The following MCPH1 variants were observed in gnomAD, a reference collection of about 807,000 sequenced individuals.
MCPH1 encodes microcephalin.
Under a neutral mutation model 84.5 loss-of-function variants are expected in MCPH1, and 104 were observed. The ratio of observed to expected loss-of-function variants is 1.23; its 90% CI spans 1.05 to 1.45. MCPH1 has a LOEUF of 1.45. MCPH1 is among the 40% of genes most tolerant of loss of function. MCPH1 has a pLI of 0.00. For missense variants in MCPH1, 1,498 were observed against 1,005.7 expected, an observed-to-expected ratio of 1.49 and a Z score of -6.62; for synonymous variants, 514 against 366.8, an observed-to-expected ratio of 1.40 and a Z score of -4.58.
At chr8:6,628,711 C>CT (rs1411296716) in intron 13 of MCPH1, among the ~76,000 whole-genome samples, 1 of 152,206 alleles carries the variant, frequency 6.6e-6, no homozygotes, top group Non-Finnish European at 1.5e-5. Flanking sequence ...ACAAAGCCCC[C>CT]TGCAAACACT....
At chr8:6,409,972 A>G (rs1376363445) in intron 2 of MCPH1, among the ~76,000 whole-genome samples, 1 of 148,618 alleles carries the variant, frequency 6.7e-6, no homozygotes, top group Non-Finnish European at 1.5e-5. Context: ...CAAAGTAGGG[A>G]GTAATTTTTT....
chr8:6,465,431 C>T (rs115449466), intron 9 of MCPH1, among the ~76,000 whole-genome samples: 1 of 152,200 alleles, frequency 6.6e-6, no homozygotes, highest in East Asian at 1.9e-4. Flanking sequence ...CGCCTGGTCT[C>T]AGCACATCAC....
chr8:6,542,302 G>C (rs1341855977), intron 12 of MCPH1, among the ~76,000 whole-genome samples: 1 of 152,060 alleles, frequency 6.6e-6, no homozygotes, highest in East Asian at 1.9e-4. Flanking sequence ...GTGTGTGTGT[G>C]TGTGTGTGTA....
At chr8:6,549,557 G>A (rs972503174) in intron 12 of MCPH1, among the ~76,000 whole-genome samples, 1 of 151,358 alleles carries the variant, frequency 6.6e-6, no homozygotes, top group African/African-American at 2.4e-5. Context: ...GATGAGGAGG[G>A]GCGTGAGGGA....
At chr8:6,410,638 G>A (rs764317315) in intron 2 of MCPH1, among the ~76,000 whole-genome samples, 5 of 152,144 alleles carry the variant, frequency 3.3e-5, no homozygotes, top group African/African-American at 4.8e-5. Flanking sequence ...CTTTGATGAC[G>A]GGTTTTACAA....
intron 12 of MCPH1, among the ~76,000 whole-genome samples, chr8:6,578,114 G>T (rs1827263055): frequency 6.6e-6 from 1 of 152,198 alleles, no homozygotes; most frequent in South Asian, 2.1e-4. Context: ...ACAACACACT[G>T]GCATTGTTTC....
At chr8:6,480,594 C>A (rs1373062163) in intron 10 of MCPH1, 120 bp from the exon 11 acceptor site, 2 of 1,093,202 alleles carry the variant, frequency 1.8e-6, no homozygotes, top group Non-Finnish European at 2.8e-6. Context: ...GTACCATAAC[C>A]AAAATCAGTT....
chr8:6,454,175 T>A (rs1427585610), intron 8 of MCPH1, among the ~76,000 whole-genome samples: 2 of 152,192 alleles, frequency 1.3e-5, no homozygotes, highest in Admixed American at 6.5e-5. Context: ...CACGTTGCAT[T>A]ATATTTATTC....
At chr8:6,440,664 A>T (rs1803372617) in intron 6 of MCPH1, among the ~76,000 whole-genome samples, 1 of 152,232 alleles carries the variant, frequency 6.6e-6, no homozygotes, top group African/African-American at 2.4e-5. Context: ...CGGAAGCTTG[A>T]AAAACTGGAT....
At chr8:6,613,973 G>C (rs1029135928) in intron 12 of MCPH1, among the ~76,000 whole-genome samples, 3 of 152,090 alleles carry the variant, frequency 2.0e-5, no homozygotes, top group South Asian at 2.1e-4. Context: ...GGTGTGCTCC[G>C]TTCCTATTTC....
intron 8 of MCPH1, chr8:6,447,523 A>C (rs1411268882): frequency 7.4e-6 from 5 of 677,586 alleles, no homozygotes; most frequent in African/African-American, 1.9e-5. Context: ...GAACTGAGCG[A>C]GAAACAATTT....
chr8:6,639,270 C>T (rs1797770364), intron 13 of MCPH1, among the ~76,000 whole-genome samples: 1 of 152,140 alleles, frequency 6.6e-6, no homozygotes, highest in African/African-American at 2.4e-5. Context: ...AAACAGTAGA[C>T]AAGTACACAG....
intron 9 of MCPH1, chr8:6,477,303 T>C: frequency 2.5e-6 from 1 of 396,396 alleles, no homozygotes; most frequent in Non-Finnish European, 4.6e-6. Context: ...TTGACACACT[T>C]GGAGGTCTGC....
intron 9 of MCPH1, among the ~76,000 whole-genome samples, chr8:6,462,141 G>T (rs957017175): frequency 2.0e-5 from 3 of 152,204 alleles, no homozygotes; most frequent in Non-Finnish European, 4.4e-5. Flanking sequence ...GGAACAAATA[G>T]AGCATACTTA....
At chr8:6,504,241 C>G (rs1027481718) in intron 12 of MCPH1, among the ~76,000 whole-genome samples, 1 of 146,322 alleles carries the variant, frequency 6.8e-6, no homozygotes, top group African/African-American at 2.6e-5. Context: ...TGGCGTGAAC[C>G]CGGGAGGCGG....
At chr8:6,582,593 T>G (rs1827644749) in intron 12 of MCPH1, among the ~76,000 whole-genome samples, 1 of 152,236 alleles carries the variant, frequency 6.6e-6, no homozygotes, top group Non-Finnish European at 1.5e-5. Flanking sequence ...AGATAAACAC[T>G]GTGAACTCAC....
chr8:6,423,402 T>A (rs1488967909), intron 3 of MCPH1, among the ~76,000 whole-genome samples: 1 of 151,212 alleles, frequency 6.6e-6, no homozygotes, highest in African/African-American at 2.4e-5. Flanking sequence ...CCTGATCTTG[T>A]GATCCGCCCG....
At chr8:6,602,984 CGTGT>C (rs139143848) in intron 12 of MCPH1, among the ~76,000 whole-genome samples, 2 of 150,718 alleles carry the variant, frequency 1.3e-5, no homozygotes, top group African/African-American at 2.4e-5. Flanking sequence ...AGTGTGCATC[CGTGT>C]GTGTGTGTGT....
chr8:6,628,989 A>G (rs1209586547), intron 13 of MCPH1, among the ~76,000 whole-genome samples: 1 of 152,206 alleles, frequency 6.6e-6, no homozygotes, highest in Admixed American at 6.5e-5. Context: ...AACTAAAGTG[A>G]CCTAAAGTGA....
Sources: gnomAD v4.1 joint callset for allele counts (sites outside exome capture counted in the v4.1 genomes callset) on GRCh38, gnomAD v4.1.1 for gene constraint, MANE v1.5 for transcripts, NCBI Gene and HGNC (gene_info 2026-07-23, HGNC 2026-07-21) for gene names.